The following EIF4G3 variants were observed in gnomAD, a reference collection of about 807,000 sequenced individuals.
EIF4G3 encodes eukaryotic translation initiation factor 4 gamma 3.
In EIF4G3, 34 loss-of-function variants were observed where a neutral mutation model predicts 186.4. That is an observed-to-expected ratio of 0.18 (90% CI 0.14 to 0.24). The LOEUF (loss-of-function observed/expected upper bound fraction) is 0.24, where lower values mean the gene tolerates loss of function less well. EIF4G3 is among the 10% of genes least tolerant of loss of function. EIF4G3 has a pLI of 1.00. For missense variants in EIF4G3, 1,536 were observed against 1,948.5 expected (o/e 0.79, Z 3.99); for synonymous variants, 673 against 679.5 (o/e 0.99, Z 0.15).
At chr1:20,998,299 C>G (rs963361123) in intron 6 of EIF4G3, among the ~76,000 whole-genome samples, 5 of 151,498 alleles carry the variant, frequency 3.3e-5, no homozygotes, top group Non-Finnish European at 1.5e-5. Context: ...CAAGGCATGT[C>G]AAGGCAAACA....
intron 23 of EIF4G3, among the ~76,000 whole-genome samples, chr1:20,861,439 G>A (rs1055051176): frequency 2.0e-5 from 3 of 152,096 alleles, no homozygotes; most frequent in African/African-American, 7.2e-5. Context: ...GAGGGTCACA[G>A]GAAAAACGAA....
chr1:21,083,487 CTT>C (rs11368580), intron 3 of EIF4G3, among the ~76,000 whole-genome samples: 1 of 144,414 alleles, frequency 6.9e-6, no homozygotes. Flanking sequence ...CACACACACA[CTT>C]TTTTTTTTTT....
chr1:20,862,248 C>G lies in EIF4G3; in HGVS notation c.3091G>C (p.Asp1031His). ...TSSRIRFMLQ[D>H]VIDLRLCNWV... is the part of the protein sequence containing the mutation. ...CTCACCAGCCTTAGGTCTATAACAT[C>G]TTGAAGCATGAACCGAATCCTAGAT... The change falls in exon 23 of 37, where the codon GAT becomes CAT. Residue 1031 changes from aspartate (D) to histidine (H), a missense_variant. Physicochemically the swap from Asp to His is moderately conservative, Grantham distance 81. Around this residue, in one of 11 missense-constraint regions of EIF4G3, gnomAD observed 110 missense variants for 166.2 expected, o/e 0.66. Coordinates refer to ENST00000602326, the MANE Select transcript of EIF4G3 (RefSeq NM_001391906.1). The G allele has an allele frequency of 6.2e-7, 1 of 1,607,760 alleles. No homozygotes were observed. The highest frequency in any genetic ancestry group is 8.5e-7 in the Non-Finnish European group (1 of 1,175,980).
intron 2 of EIF4G3, among the ~76,000 whole-genome samples, chr1:21,093,086 C>A (rs1287169029): frequency 6.6e-6 from 1 of 152,242 alleles, no homozygotes; most frequent in South Asian, 2.1e-4. Context: ...CAACAAAAGA[C>A]AAAATTGACA....
At position 20,806,658 on chromosome 1, in the gene EIF4G3, T is replaced by C. The variant is rs1570725784; in HGVS notation, c.*661A>G. On this transcript the variant is annotated 3_prime_UTR_variant, in exon 37 of 37. Transcript: ENST00000602326. ...TACTTTTCTCAGGGTAGCACTTTTT[T>C]TTTTTTAAACAATTCTTGGAGTTCT... 6.6e-6 allele frequency: 1 copy of C among 152,584 alleles called. No homozygotes were observed. The highest frequency in any genetic ancestry group is 1.9e-4 in the East Asian group (1 of 5,206). The allele number at this position is 152,584 out of a possible 1,614,324, so 9.5% of individuals were successfully genotyped here. A position where few individuals can be genotyped will look rare whatever the true frequency, so the allele number is the denominator to read the frequency against.
At chr1:20,973,328 A>C (rs1431749899) in intron 10 of EIF4G3, among the ~76,000 whole-genome samples, 5 of 150,666 alleles carry the variant, frequency 3.3e-5, no homozygotes, top group Admixed American at 2.0e-4. Flanking sequence ...CAATATGAAA[A>C]CCACTAAATA....
intron 2 of EIF4G3, among the ~76,000 whole-genome samples, chr1:21,105,605 A>G (rs1022242663): frequency 6.6e-5 from 10 of 152,252 alleles, no homozygotes; most frequent in Non-Finnish European, 1.5e-4. Flanking sequence ...TTTTTAAATG[A>G]CATGAGAGGA....
chr1:20,911,560 CAAAAAAAAAAAAA>C (rs60071144), intron 14 of EIF4G3, among the ~76,000 whole-genome samples: 70 of 40,724 alleles, frequency 1.7e-3, no homozygotes, highest in African/African-American at 7.0e-3. Context: ...GACCCTGCCT[CAAAAAAAAAAAAA>C]AAAAAAAAAA....
chr1:20,862,956 G>C (rs758544313), intron 22 of EIF4G3, among the ~76,000 whole-genome samples: 2 of 151,792 alleles, frequency 1.3e-5, no homozygotes, highest in Admixed American at 1.3e-4. Context: ...ATTTTTCTGT[G>C]TGTATGATTT....
At chr1:20,818,448 G>A (rs1359505995) in intron 33 of EIF4G3, among the ~76,000 whole-genome samples, 1 of 152,108 alleles carries the variant, frequency 6.6e-6, no homozygotes, top group African/African-American at 2.4e-5. Context: ...AGACCAGCCT[G>A]GGCAACATGG....
chr1:21,096,445 A>G (rs914168600), intron 2 of EIF4G3, among the ~76,000 whole-genome samples: 1 of 152,224 alleles, frequency 6.6e-6, no homozygotes, highest in Admixed American at 6.5e-5. Flanking sequence ...CAAGTGATGG[A>G]CACATTGAAA....
intron 3 of EIF4G3, among the ~76,000 whole-genome samples, chr1:21,085,262 T>C (rs2095924365): frequency 6.6e-6 from 1 of 152,174 alleles, no homozygotes; most frequent in Non-Finnish European, 1.5e-5. Flanking sequence ...GGTGAAAGTA[T>C]ACTTAGGTAA....
rs749661012 is a variant in EIF4G3 at position 21,171,712 on chromosome 1, CAAG to C, written c.-272+4460_-272+4462del. Among the ~76,000 whole-genome samples the C allele has an allele frequency of 8.5e-5, 13 of 152,100 alleles. 1 individual carries two copies. The highest frequency in any genetic ancestry group is 4.2e-4 in the South Asian group (2 of 4,818). ...AAGACAATCATAAGCAATTATAATT[CAAG>C]AAGGTCACTGAATAAATGAGTCTAG... On this transcript the variant is annotated intron_variant, in intron 2 of 36. Coordinates refer to ENST00000602326, the MANE Select transcript of EIF4G3 (RefSeq NM_001391906.1).
chr1:21,017,145 G>A (rs557388977), intron 4 of EIF4G3, among the ~76,000 whole-genome samples: 12 of 152,176 alleles, frequency 7.9e-5, no homozygotes, highest in African/African-American at 1.7e-4. Flanking sequence ...AAAAAGAAGC[G>A]AGTTCTCACA....
intron 13 of EIF4G3, among the ~76,000 whole-genome samples, chr1:20,947,445 T>C (rs2096008087): frequency 7.0e-6 from 1 of 142,432 alleles, no homozygotes; most frequent in African/African-American, 2.6e-5. Flanking sequence ...TAAATTTGGT[T>C]AAAAAAAAAA....
At chr1:21,128,564 T>C (rs989847150) in intron 2 of EIF4G3, among the ~76,000 whole-genome samples, 1 of 152,184 alleles carries the variant, frequency 6.6e-6, no homozygotes, top group Non-Finnish European at 1.5e-5. Flanking sequence ...GCTTTGGTCA[T>C]TATGAAGCTC....
chr1:21,144,249 CTATT>C (rs1362105786), intron 2 of EIF4G3, among the ~76,000 whole-genome samples: 2 of 152,086 alleles, frequency 1.3e-5, no homozygotes, highest in South Asian at 4.1e-4. Flanking sequence ...CTGCTTCAAT[CTATT>C]TATTTATTTA....
Position 20,864,805 on chromosome 1 carries a change from A to G in EIF4G3, c.2770-93T>C, listed in dbSNP as rs554374394. 11 of 1,101,290 alleles carry G rather than the reference A, an allele frequency of 1.0e-5. No homozygotes were observed. In the South Asian group the frequency reaches 1.5e-4, roughly 15 times the overall value. 68.2% of individuals were successfully genotyped at this position (1,101,290 alleles called of 1,614,324 possible). A position where few individuals can be genotyped will look rare whatever the true frequency, so the allele number is the denominator to read the frequency against. On this transcript the variant is annotated intron_variant, in intron 21 of 36. Coordinates refer to ENST00000602326, the MANE Select transcript of EIF4G3 (RefSeq NM_001391906.1). ...TCATGGGGTCAGAATCCCCGTGAGA[A>G]TCTGATAGCAAGTGTAGAATCTACT...
At chr1:21,130,498 G>A (rs1388994384) in intron 2 of EIF4G3, among the ~76,000 whole-genome samples, 2 of 151,878 alleles carry the variant, frequency 1.3e-5, no homozygotes, top group African/African-American at 2.4e-5. Context: ...CAAAATGCTG[G>A]GATTACAGGC....
Sources: gnomAD v4.1 joint callset for allele counts (sites outside exome capture counted in the v4.1 genomes callset) on GRCh38, gnomAD v4.1.1 for gene constraint, gnomAD v4.1.1 regional missense constraint, MANE v1.5 for transcripts, NCBI Gene and HGNC (gene_info 2026-07-23, HGNC 2026-07-21) for gene names.